The following UMAD1 variants were observed in gnomAD, a reference collection of about 807,000 sequenced individuals.
UMAD1 encodes UBAP1-MVB12-associated (UMA) domain containing 1, also known as UBAP1-MVB12-associated (UMA)-domain containing protein 1.
In UMAD1, 8 loss-of-function variants were observed where a neutral mutation model predicts 6.1. The observed-to-expected ratio is 1.30, with a 90% CI of 0.76 to 2.35. UMAD1 has a LOEUF of 2.35. Among genes scored for constraint, UMAD1 ranks in the 30% most tolerant of loss-of-function variants. UMAD1 has a pLI of 0.00. For missense variants in UMAD1, 130 were observed against 78.4 expected (o/e 1.66, Z -2.49); for synonymous variants, 56 against 31.4 (o/e 1.78, Z -2.61).
intron 2 of UMAD1, among the ~76,000 whole-genome samples, chr7:7,780,530 A>G (rs1025785133): frequency 1.3e-5 from 2 of 152,228 alleles, no homozygotes; most frequent in African/African-American, 4.8e-5. Flanking sequence ...TGCACAAACG[A>G]TAAGTTTGAT....
chr7:7,861,792 G>T (rs2115333019), intron 3 of UMAD1, among the ~76,000 whole-genome samples: 1 of 152,224 alleles, frequency 6.6e-6, no homozygotes, highest in Admixed American at 6.5e-5. Context: ...TACTTTTTGA[G>T]ATTAGAGAGA....
At chr7:7,770,626 C>T (rs552771140) in intron 2 of UMAD1, among the ~76,000 whole-genome samples, 1 of 152,020 alleles carries the variant, frequency 6.6e-6, no homozygotes, top group Non-Finnish European at 1.5e-5. Context: ...GTTTGAAAGG[C>T]ATCTAGGAGG....
At position 7,648,279 on chromosome 7, in the gene UMAD1, TGCTTAAGTTTTCTCC is replaced by T. The variant is rs537597584; in HGVS notation, c.-64+7474_-64+7488del. Reference sequence around the variant, plus strand: ...GATCATGAGTGATTTGCTGTTTCTCTGCTTAAGTTTTCTCCGCTTAAGTTTTCTCCAGTAAACCAT... The same window carrying T: ...GATCATGAGTGATTTGCTGTTTCTCTGCTTAAGTTTTCTCCAGTAAACCAT... On this transcript the variant is annotated intron_variant, in intron 1 of 3. Coordinates refer to ENST00000682710, the MANE Select transcript of UMAD1 (RefSeq NM_001302348.2). 1.6e-3 allele frequency among the ~76,000 whole-genome samples: 245 copies of T among 152,384 alleles called. 2 individuals carry two copies. Among genetic ancestry groups the T allele is most frequent in the African/African-American group, 5.4e-3 (226 of 41,596 alleles).
At chr7:7,871,959 G>T (rs1416777824) in intron 3 of UMAD1, among the ~76,000 whole-genome samples, 2 of 152,028 alleles carry the variant, frequency 1.3e-5, no homozygotes, top group African/African-American at 4.8e-5. Flanking sequence ...AGCTGCTGGG[G>T]AGTCCTTGCC....
At chr7:7,705,241 A>G (rs1437242650) in intron 2 of UMAD1, among the ~76,000 whole-genome samples, 3 of 152,226 alleles carry the variant, frequency 2.0e-5, no homozygotes, top group Non-Finnish European at 4.4e-5. Context: ...CGAAGTTCGT[A>G]TAGTTGATGC....
chr7:7,660,496 CATG>C (rs1327662508), intron 1 of UMAD1, among the ~76,000 whole-genome samples: 1 of 152,150 alleles, frequency 6.6e-6, no homozygotes, highest in Non-Finnish European at 1.5e-5. Context: ...AGGCAGGCCT[CATG>C]GTGACAAAAT....
intron 2 of UMAD1, among the ~76,000 whole-genome samples, chr7:7,702,247 A>G (rs937886391): frequency 3.9e-5 from 6 of 152,236 alleles, no homozygotes; most frequent in African/African-American, 1.4e-4. Flanking sequence ...CTAAATCTTT[A>G]TTAAATAATT....
chr7:7,693,408 G>T (rs891256137), intron 2 of UMAD1, among the ~76,000 whole-genome samples: 1 of 151,784 alleles, frequency 6.6e-6, no homozygotes, highest in African/African-American at 2.4e-5. Context: ...CCTTCATTCT[G>T]CAATAGCTTA....
chr7:7,836,306 C>T (rs1322040884), intron 3 of UMAD1, among the ~76,000 whole-genome samples: 1 of 151,874 alleles, frequency 6.6e-6, no homozygotes, highest in Non-Finnish European at 1.5e-5. Flanking sequence ...ATGGTCTTTA[C>T]AAAGGAACAG....
chr7:7,671,837 T>G (rs17546500), intron 1 of UMAD1, among the ~76,000 whole-genome samples: 8,341 of 152,280 alleles, frequency 0.055, 246 homozygotes, highest in East Asian at 0.09. Context: ...CTATATCCAG[T>G]AAGCACTTTC....
chr7:7,763,167 A>T (rs1296168155), intron 2 of UMAD1, among the ~76,000 whole-genome samples: 1 of 152,242 alleles, frequency 6.6e-6, no homozygotes, highest in Non-Finnish European at 1.5e-5. Flanking sequence ...TATTTAAAAT[A>T]TTAAATATGG....
intron 2 of UMAD1, among the ~76,000 whole-genome samples, chr7:7,731,426 T>C (rs961960097): frequency 4.1e-5 from 6 of 147,672 alleles, no homozygotes; most frequent in African/African-American, 1.5e-4. Context: ...TGTCCTGGAC[T>C]AAAGTGATAG....
chr7:7,673,310 TAGCAGC>T lies in UMAD1; in HGVS notation c.-6_-1del. ...CATTGTGTAATGTTTCTATTTCAGG[TAGCAGC>T]AGCAGCAGCAGCAGCAGCAGCAGCA... On this transcript the variant is annotated splice_region_variant and 5_prime_UTR_variant, in exon 2 of 4. Transcript: ENST00000682710. The T allele has an allele frequency of 0.062, 64,316 of 1,030,996 alleles. 2,448 individuals carry two copies. The highest frequency in any genetic ancestry group is 0.15 in the East Asian group (5,558 of 37,132). 63.9% of individuals were successfully genotyped at this position (1,030,996 alleles called of 1,614,324 possible).
chr7:7,866,784 G>A (rs944515749), intron 3 of UMAD1, among the ~76,000 whole-genome samples: 1 of 152,164 alleles, frequency 6.6e-6, no homozygotes, highest in East Asian at 1.9e-4. Context: ...TTTTTCAAAG[G>A]CATTGAGGAA....
intron 1 of UMAD1, among the ~76,000 whole-genome samples, chr7:7,656,365 G>A (rs1212389360): frequency 2.0e-5 from 3 of 150,482 alleles, no homozygotes. Flanking sequence ...TGTACAGAAC[G>A]TGCAGGTTTG....
chr7:7,809,355 C>G (rs1782981127), intron 3 of UMAD1, among the ~76,000 whole-genome samples: 1 of 151,906 alleles, frequency 6.6e-6, no homozygotes, highest in South Asian at 2.1e-4. Context: ...TTATAGAATT[C>G]ATAGTTCAGT....
chr7:7,733,165 T>G (rs942266100), intron 2 of UMAD1, among the ~76,000 whole-genome samples: 1 of 152,160 alleles, frequency 6.6e-6, no homozygotes, highest in African/African-American at 2.4e-5. Flanking sequence ...GATACCCAGT[T>G]GGTATGTTTG....
At chr7:7,727,418 C>G (rs1367147991) in intron 2 of UMAD1, among the ~76,000 whole-genome samples, 2 of 152,026 alleles carry the variant, frequency 1.3e-5, no homozygotes, top group African/African-American at 2.4e-5. Context: ...ATAATTATGA[C>G]CTTATTATTG....
In UMAD1 at chr7:7,716,276, A is replaced by G. The variant is rs1213818110; in HGVS notation, c.82+42823A>G. Among the ~76,000 whole-genome samples the G allele has an allele frequency of 2.0e-5, 3 of 152,342 alleles. No individual in the cohort carries two copies. In the East Asian group the frequency reaches 5.8e-4, roughly 29 times the overall value. ...CGATATTATTACAACATGGGAAGGA[A>G]CAATGCCAAGAAAAATTGTATTTAT... is the stretch of plus-strand genomic sequence containing the variant. On this transcript the variant is annotated intron_variant, in intron 2 of 3. Coordinates refer to ENST00000682710, the MANE Select transcript of UMAD1 (RefSeq NM_001302348.2).
Sources: gnomAD v4.1 joint callset for allele counts (sites outside exome capture counted in the v4.1 genomes callset) on GRCh38, gnomAD v4.1.1 for gene constraint, MANE v1.5 for transcripts, NCBI Gene and HGNC (gene_info 2026-07-23, HGNC 2026-07-21) for gene names.